Variants in EGFR observed in about 807,000 individuals in gnomAD.
EGFR encodes the protein epidermal growth factor receptor.
A neutral mutation model predicts 143.0 loss-of-function variants in EGFR; 58 were observed. That is an observed-to-expected ratio of 0.41 (90% CI 0.33 to 0.50). The LOEUF (loss-of-function observed/expected upper bound fraction) is 0.50, where lower values mean the gene tolerates loss of function less well. Ranked by LOEUF, EGFR falls within the 20% of genes least tolerant of loss-of-function variation. EGFR has a pLI of 0.39. For missense variants in EGFR, 1,307 were observed against 1,579.0 expected, an observed-to-expected ratio of 0.83 and a Z score of 2.92; for synonymous variants, 613 against 594.4, an observed-to-expected ratio of 1.03 and a Z score of -0.45.
At chr7:55,118,805 C>T (rs771839412) in intron 1 of EGFR, among the ~76,000 whole-genome samples, 1 of 152,162 alleles carries the variant, frequency 6.6e-6, no homozygotes, top group Admixed American at 6.5e-5. Flanking sequence ...CATAAGAAGT[C>T]AGCCCATCAG....
intron 1 of EGFR, among the ~76,000 whole-genome samples, chr7:55,104,237 T>G (rs919770466): frequency 6.6e-6 from 1 of 152,196 alleles, no homozygotes; most frequent in Non-Finnish European, 1.5e-5. Context: ...TGCAGGCAAT[T>G]CAGTGAGGAG....
chr7:55,073,734 A>T (rs1168168076), intron 1 of EGFR, among the ~76,000 whole-genome samples: 1 of 152,146 alleles, frequency 6.6e-6, no homozygotes, highest in Non-Finnish European at 1.5e-5. Flanking sequence ...GTTCTTTTGC[A>T]CCCTGTTAAT....
chr7:55,077,183 T>G (rs749264407), intron 1 of EGFR, among the ~76,000 whole-genome samples: 5 of 152,146 alleles, frequency 3.3e-5, no homozygotes, highest in African/African-American at 4.8e-5. Flanking sequence ...CTTCATCCTT[T>G]GTAAGCCTAG....
At chr7:55,020,360 G>A (rs900160913) in intron 1 of EGFR, among the ~76,000 whole-genome samples, 9 of 152,336 alleles carry the variant, frequency 5.9e-5, no homozygotes, top group Non-Finnish European at 1.3e-4. Flanking sequence ...AGCGGGACGC[G>A]GCTGTCCGGC....
chr7:55,128,739 T>C (rs1793673823), intron 1 of EGFR, among the ~76,000 whole-genome samples: 1 of 152,224 alleles, frequency 6.6e-6, no homozygotes, highest in Non-Finnish European at 1.5e-5. Context: ...TCTATATCTG[T>C]AGTCAATAGC....
Position 55,149,115 on chromosome 7 carries a change from A to G in EGFR, c.560-2179A>G, listed in dbSNP as rs562487428. Among the ~76,000 whole-genome samples, 12 of 152,212 alleles carry G rather than the reference A, an allele frequency of 7.9e-5. No individual in the cohort carries two copies. In the East Asian group the frequency reaches 2.1e-3, roughly 27 times the overall value. ...GCCAGAAGGAAACATAAATATGAAT[A>G]TTTTGTAATATCAAGTTGAAGAAAA... On this transcript the variant is annotated intron_variant, in intron 4 of 27. Transcript: ENST00000275493.
intron 24 of EGFR, 75 bp from the exon 25 acceptor site, chr7:55,201,113 C>A (rs971141978): frequency 5.0e-6 from 8 of 1,588,510 alleles, no homozygotes; most frequent in Non-Finnish European, 6.9e-6. Flanking sequence ...TGGCAATAGA[C>A]CCCTGCTCCT....
intron 3 of EGFR, among the ~76,000 whole-genome samples, chr7:55,143,889 T>G (rs544016904): frequency 1.3e-5 from 2 of 152,192 alleles, no homozygotes; most frequent in East Asian, 3.9e-4. Context: ...CAACCCACAT[T>G]GAGGACAGTT....
Position 55,173,106 on chromosome 7 carries a change from G to A in EGFR, c.2043G>A (p.Arg681=), listed in dbSNP as rs746948587. ...RHIVRKRTLR[R]LLQERELVEP... ...TCGTTCGGAAGCGCACGCTGCGGAG[G>A]CTGCTGCAGGAGAGGGAGGTGAGTG... The change falls in exon 17 of 28, where the codon AGG becomes AGA. Residue 681 remains arginine, a synonymous_variant. Coordinates refer to ENST00000275493, the MANE Select transcript of EGFR (RefSeq NM_005228.5). The A allele has an allele frequency of 8.1e-6, 13 of 1,611,472 alleles. No homozygotes were observed. The South Asian group carries it at 1.2e-4, about 15-fold the overall frequency.
intron 15 of EGFR, chr7:55,166,168 A>AT: frequency 8.6e-6 from 4 of 465,300 alleles, no homozygotes; most frequent in Non-Finnish European, 1.6e-5. Flanking sequence ...CAAAAACAAA[A>AT]AAAAAAGCTA....
chr7:55,091,055 G>A (rs1791077174), intron 1 of EGFR, among the ~76,000 whole-genome samples: 1 of 152,210 alleles, frequency 6.6e-6, no homozygotes, highest in South Asian at 2.1e-4. Flanking sequence ...CTTCTCAGCT[G>A]TCCCTGAGAG....
intron 23 of EGFR, among the ~76,000 whole-genome samples, chr7:55,199,950 G>T (rs1490018223): frequency 6.6e-6 from 1 of 152,230 alleles, no homozygotes; most frequent in Non-Finnish European, 1.5e-5. Context: ...GCTAAGGGTG[G>T]ATGTTGAGTG....
chr7:55,069,169 T>C (rs1430460570), intron 1 of EGFR, among the ~76,000 whole-genome samples: 1 of 152,212 alleles, frequency 6.6e-6, no homozygotes, highest in Non-Finnish European at 1.5e-5. Flanking sequence ...TAGCAAATGC[T>C]CTATGGTTAA....
At chr7:55,166,230 G>C in intron 15 of EGFR, 1 of 543,040 alleles carries the variant, frequency 1.8e-6, no homozygotes, top group Non-Finnish European at 3.6e-6. Flanking sequence ...TTATTTACTG[G>C]AATAATAAAG....
Position 55,161,387 on chromosome 7 carries a change from G to A in EGFR, c.1499-112G>A, listed in dbSNP as rs556251568. 1.6e-3 allele frequency: 2,240 copies of A among 1,411,228 alleles called. 7 individuals carry two copies. Among genetic ancestry groups the A allele is most frequent in the Non-Finnish European group, 1.7e-3 (1,808 of 1,064,076 alleles). The allele number at this position is 1,411,228 out of a possible 1,614,324, so 87.4% of individuals were successfully genotyped here. A position where few individuals can be genotyped will look rare whatever the true frequency, so the allele number is the denominator to read the frequency against. On this transcript the variant is annotated intron_variant, in intron 12 of 27. Coordinates refer to ENST00000275493, the MANE Select transcript of EGFR (RefSeq NM_005228.5). Reference sequence around the variant, plus strand: ...TCCTTCAGGGGTAGCCAGCATGTCTGTGTCACCCAAGGTCATGGAGCACAG... The same window carrying A: ...TCCTTCAGGGGTAGCCAGCATGTCTATGTCACCCAAGGTCATGGAGCACAG...
chr7:55,128,222 C>A, intron 1 of EGFR, among the ~76,000 whole-genome samples: 1 of 152,234 alleles, frequency 6.6e-6, no homozygotes, highest in East Asian at 1.9e-4. Flanking sequence ...AAAGACACTT[C>A]TGCTGATCAA....
At chr7:55,192,617 G>C in intron 21 of EGFR, 149 bp from the exon 22 acceptor site, 1 of 731,128 alleles carries the variant, frequency 1.4e-6, no homozygotes, top group East Asian at 2.7e-5. Flanking sequence ...CCCTGTTGCC[G>C]GGAGGAGGCG....
In EGFR at chr7:55,146,675, G is replaced by T. The variant is rs761795138; in HGVS notation, c.494G>T (p.Arg165Leu). The stretch of plus-strand genomic sequence containing the variant: ...TGCAACGTGGAGAGCATCCAGTGGC[G>T]GGACATAGTCAGCAGTGACTTTCTC... ...ALCNVESIQW[R>L]DIVSSDFLSN... The change falls in exon 4 of 28, where the codon CGG becomes CTG. Residue 165 changes from arginine to leucine, a missense_variant. By Grantham distance (102) the Arg-to-Leu change is moderately radical (BLOSUM62 -2). Coordinates refer to ENST00000275493, the MANE Select transcript of EGFR (RefSeq NM_005228.5). 6.2e-7 allele frequency: 1 copy of T among 1,614,060 alleles called. No homozygotes were observed. Among genetic ancestry groups the T allele is most frequent in the Non-Finnish European group, 8.5e-7 (1 of 1,179,972 alleles).
chr7:55,155,257 C>T (rs1312624230), intron 7 of EGFR, among the ~76,000 whole-genome samples: 1 of 152,200 alleles, frequency 6.6e-6, no homozygotes, highest in Non-Finnish European at 1.5e-5. Flanking sequence ...GCCTGGCCAA[C>T]AGGGTGAAAC....
Sources: allele counts gnomAD v4.1 joint callset (sites outside exome capture counted in the v4.1 genomes callset), GRCh38; gene constraint gnomAD v4.1.1; transcripts MANE v1.5; gene names NCBI Gene and HGNC (gene_info 2026-07-23, HGNC 2026-07-21).